VWA8: variants seen among roughly 807,000 people sequenced by gnomAD.
The protein encoded by VWA8 is von Willebrand factor A domain-containing protein 8.
Under a neutral mutation model 241.5 loss-of-function variants are expected in VWA8, and 221 were observed. That is an observed-to-expected ratio of 0.91 (90% CI 0.82 to 1.02). The LOEUF (loss-of-function observed/expected upper bound fraction) is 1.02. VWA8 is among the 50% of genes least tolerant of loss of function. The pLI is 0.00. For synonymous variants in VWA8, 852 were observed against 827.1 expected, an observed-to-expected ratio of 1.03 and a Z score of -0.52; for missense variants, 2,322 against 2,328.7, an observed-to-expected ratio of 1.00 and a Z score of 0.06.
chr13:41,637,022 C>T (rs555093602), intron 37 of VWA8, among the ~76,000 whole-genome samples: 1 of 150,428 alleles, frequency 6.6e-6, no homozygotes, highest in African/African-American at 2.5e-5. Context: ...CCTCAGGGAT[C>T]TAGAACTAGA....
At chr13:41,959,088 T>C (rs1878472692) in intron 1 of VWA8, among the ~76,000 whole-genome samples, 1 of 152,190 alleles carries the variant, frequency 6.6e-6, no homozygotes, top group South Asian at 2.1e-4. Context: ...TGGTTTCATG[T>C]CTTCTAAAGG....
At chr13:41,869,568 T>C (rs1873484600) in intron 9 of VWA8, among the ~76,000 whole-genome samples, 1 of 139,392 alleles carries the variant, frequency 7.2e-6, no homozygotes. Context: ...GAGACAGAGG[T>C]TGCAGTGAAC....
chr13:41,831,231 A>G (rs1325798249), intron 13 of VWA8, among the ~76,000 whole-genome samples: 1 of 152,108 alleles, frequency 6.6e-6, no homozygotes, highest in African/African-American at 2.4e-5. Flanking sequence ...AATGCCCACA[A>G]TAGAGTTAGC....
chr13:41,774,691 G>A (rs1461046683), intron 20 of VWA8, among the ~76,000 whole-genome samples: 2 of 152,020 alleles, frequency 1.3e-5, no homozygotes, highest in African/African-American at 4.8e-5. Flanking sequence ...CTTTATTAAA[G>A]AAGCATATTC....
chr13:41,687,208 C>A (rs1307992505), intron 34 of VWA8, among the ~76,000 whole-genome samples: 1 of 152,050 alleles, frequency 6.6e-6, no homozygotes, highest in Non-Finnish European at 1.5e-5. Context: ...TGATGCAGCA[C>A]AATTTATCAA....
At chr13:41,711,860 C>T (rs1002768517) in intron 26 of VWA8, among the ~76,000 whole-genome samples, 4 of 150,554 alleles carry the variant, frequency 2.7e-5, no homozygotes, top group African/African-American at 7.4e-5. Context: ...GGCGACAGAG[C>T]GAGACTCTGT....
chr13:41,827,155 A>C (rs183821078), intron 14 of VWA8, among the ~76,000 whole-genome samples: 1 of 152,200 alleles, frequency 6.6e-6, no homozygotes, highest in African/African-American at 2.4e-5. Flanking sequence ...AAAACAAGAT[A>C]TATGCAAGAA....
intron 20 of VWA8, 99 bp downstream of exon 20, chr13:41,777,886 T>C (rs1401420891): frequency 6.8e-6 from 7 of 1,033,862 alleles, no homozygotes; most frequent in South Asian, 1.6e-5. Flanking sequence ...AGTCATTTAA[T>C]AGGGGAAAAA....
At chr13:41,810,803 G>A (rs1350824973) in intron 17 of VWA8, among the ~76,000 whole-genome samples, 2 of 151,974 alleles carry the variant, frequency 1.3e-5, no homozygotes. Context: ...AATGCTTAGG[G>A]TGATAGATAT....
At chr13:41,887,463 T>G in intron 5 of VWA8, 102 bp from the exon 6 acceptor site, 1 of 1,271,554 alleles carries the variant, frequency 7.9e-7, no homozygotes, top group Non-Finnish European at 1.1e-6. Context: ...TTGAGAAAAC[T>G]GTATTGGAGA....
chr13:41,634,370 T>C (rs1013810250), intron 37 of VWA8, among the ~76,000 whole-genome samples: 3 of 152,190 alleles, frequency 2.0e-5, no homozygotes, highest in Middle Eastern at 3.2e-3. Context: ...TCTAGTTGTG[T>C]AGTCATGTGA....
intron 37 of VWA8, among the ~76,000 whole-genome samples, chr13:41,663,403 A>G (rs2044965266): frequency 6.6e-6 from 1 of 152,124 alleles, no homozygotes. Flanking sequence ...TCAAAGTAAT[A>G]AGCATACACG....
chr13:41,951,671 C>A (rs1210939853), intron 1 of VWA8, among the ~76,000 whole-genome samples: 1 of 152,144 alleles, frequency 6.6e-6, no homozygotes, highest in African/African-American at 2.4e-5. Context: ...AGTAGTCGTG[C>A]AAAACTCATC....
In VWA8 at chr13:41,667,830, G is replaced by A. The variant is rs534107674; in HGVS notation, c.4611+3116C>T. ...GTAATAAATATGCATTCTTAATAATGGTCTCTTAAAACTACATTTATATTA... is the reference window on the plus strand; with the variant it reads ...GTAATAAATATGCATTCTTAATAATAGTCTCTTAAAACTACATTTATATTA... On this transcript the variant is annotated intron_variant, in intron 37 of 44. Transcript: ENST00000379310. 3.2e-3 allele frequency among the ~76,000 whole-genome samples: 488 copies of A among 152,148 alleles called. 1 individual carries two copies. The highest frequency in any genetic ancestry group is 5.5e-3 in the Non-Finnish European group (376 of 67,992).
At chr13:41,573,524 C>CGT (rs546402016) in intron 43 of VWA8, among the ~76,000 whole-genome samples, 5 of 119,488 alleles carry the variant, frequency 4.2e-5, no homozygotes, top group Non-Finnish European at 6.7e-5. Context: ...TCTATATATA[C>CGT]GTGTATATAT....
intron 21 of VWA8, among the ~76,000 whole-genome samples, chr13:41,743,576 C>T (rs2045583573): frequency 1.3e-5 from 2 of 152,300 alleles, no homozygotes; most frequent in South Asian, 2.1e-4. Context: ...GAATGTCTCA[C>T]CACAAATAAA....
intron 24 of VWA8, among the ~76,000 whole-genome samples, chr13:41,722,920 T>G (rs573953135): frequency 6.6e-6 from 1 of 152,150 alleles, no homozygotes; most frequent in South Asian, 2.1e-4. Flanking sequence ...TAGGAGGATG[T>G]GGGAGACATA....
At chr13:41,784,737 C>CATATATATATATATATAT (rs772223346) in intron 18 of VWA8, among the ~76,000 whole-genome samples, 3 of 72,578 alleles carry the variant, frequency 4.1e-5, no homozygotes, top group South Asian at 5.7e-4. Context: ...TATACACACA[C>CATATATATATATATATAT]ATATATATAT....
At chr13:41,816,914 A>C (rs2137981504) in intron 15 of VWA8, 139 bp from the exon 16 acceptor site, 5 of 680,446 alleles carry the variant, frequency 7.3e-6, no homozygotes, top group Non-Finnish European at 1.2e-5. Flanking sequence ...CTAAATGTTT[A>C]ACTTATGGAT....
Sources: allele counts gnomAD v4.1 joint callset (sites outside exome capture counted in the v4.1 genomes callset), GRCh38; gene constraint gnomAD v4.1.1; transcripts MANE v1.5; gene names NCBI Gene and HGNC (gene_info 2026-07-23, HGNC 2026-07-21).